The following MCU variants were observed in gnomAD, a reference collection of about 807,000 sequenced individuals.
The protein encoded by MCU is calcium uniporter protein, mitochondrial.
MCU carries 12 observed loss-of-function variants against 45.2 expected under a neutral mutation model. The ratio of observed to expected loss-of-function variants is 0.27; its 90% CI spans 0.17 to 0.43. The LOEUF is 0.43. Ranked by LOEUF, MCU falls within the 20% of genes least tolerant of loss-of-function variation. The probability of loss-of-function intolerance (pLI) is 1.00; values close to 1 mark genes in which losing one functional copy is unlikely to be tolerated. For synonymous variants in MCU, 160 were observed against 165.1 expected, an observed-to-expected ratio of 0.97 and a Z score of 0.24; for missense variants, 324 against 436.7, an observed-to-expected ratio of 0.74 and a Z score of 2.30.
At chr10:72,696,145 G>C (rs1191118641) in intron 1 of MCU, among the ~76,000 whole-genome samples, 1 of 112,788 alleles carries the variant, frequency 8.9e-6, no homozygotes, top group Admixed American at 1.2e-4. Context: ...CTGGGCGAAA[G>C]AGCGAAACTC....
chr10:72,749,010 C>T (rs888032508), intron 1 of MCU, among the ~76,000 whole-genome samples: 2 of 152,088 alleles, frequency 1.3e-5, no homozygotes, highest in Non-Finnish European at 2.9e-5. Context: ...GCCTATAATC[C>T]GAACACTTTG....
At chr10:72,813,304 C>T (rs771664774) in intron 1 of MCU, among the ~76,000 whole-genome samples, 5 of 151,912 alleles carry the variant, frequency 3.3e-5, no homozygotes, top group African/African-American at 2.4e-5. Flanking sequence ...AAGGCATCAA[C>T]CAACAATGTG....
At chr10:72,809,858 T>A (rs1009757952) in intron 1 of MCU, among the ~76,000 whole-genome samples, 1 of 152,086 alleles carries the variant, frequency 6.6e-6, no homozygotes, top group Non-Finnish European at 1.5e-5. Flanking sequence ...ATTCAGGAAC[T>A]CCTAGAGTGT....
chr10:72,808,464 T>C (rs1020052154), intron 1 of MCU, among the ~76,000 whole-genome samples: 3 of 152,216 alleles, frequency 2.0e-5, no homozygotes, highest in African/African-American at 4.8e-5. Context: ...TTAATATTCA[T>C]GGCATACATA....
At chr10:72,772,124 G>A (rs1287616603) in intron 1 of MCU, among the ~76,000 whole-genome samples, 4 of 152,202 alleles carry the variant, frequency 2.6e-5, no homozygotes, top group African/African-American at 9.6e-5. Flanking sequence ...CAGAGACAAA[G>A]TGGGGAGGTG....
At chr10:72,748,192 T>C (rs901090877) in intron 1 of MCU, among the ~76,000 whole-genome samples, 1 of 151,828 alleles carries the variant, frequency 6.6e-6, no homozygotes, top group Non-Finnish European at 1.5e-5. Flanking sequence ...GGACTACAGG[T>C]GCCCGCCACC....
At chr10:72,735,264 T>C (rs1843237794) in intron 1 of MCU, among the ~76,000 whole-genome samples, 1 of 152,122 alleles carries the variant, frequency 6.6e-6, no homozygotes, top group Admixed American at 6.5e-5. Context: ...TGTGTTGGGT[T>C]TTTTTTCAGA....
chr10:72,693,173 AGT>A (rs112298026), intron 1 of MCU: 251,579 of 751,048 alleles, frequency 0.33, 23,753 homozygotes, highest in East Asian at 0.6. Flanking sequence ...CTCTTGGGTG[AGT>A]GTGTGTGTGT....
intron 1 of MCU, among the ~76,000 whole-genome samples, chr10:72,719,275 T>C (rs1237318918): frequency 3.3e-5 from 5 of 152,318 alleles, no homozygotes; most frequent in African/African-American, 1.2e-4. Flanking sequence ...ATTATCAAGG[T>C]ACCATTATGT....
intron 1 of MCU, among the ~76,000 whole-genome samples, chr10:72,791,144 A>G (rs1479539553): frequency 6.6e-6 from 1 of 152,206 alleles, no homozygotes; most frequent in Non-Finnish European, 1.5e-5. Context: ...AAGTAGTGGC[A>G]CATTTTACCT....
At chr10:72,787,652 T>C (rs1844094555) in intron 1 of MCU, among the ~76,000 whole-genome samples, 1 of 152,206 alleles carries the variant, frequency 6.6e-6, no homozygotes, top group African/African-American at 2.4e-5. Context: ...GTGTCCTGCC[T>C]TGCCAATTAG....
intron 6 of MCU, 122 bp downstream of exon 6, chr10:72,871,702 C>T: frequency 1.3e-6 from 1 of 741,228 alleles, no homozygotes; most frequent in Non-Finnish European, 2.3e-6. Context: ...TACACATACA[C>T]ACACATGTGC....
At chr10:72,884,527 CA>C in intron 7 of MCU, 145 bp downstream of exon 7, 1 of 572,600 alleles carries the variant, frequency 1.7e-6, no homozygotes, top group Non-Finnish European at 3.1e-6. Flanking sequence ...CAGTTGATTA[CA>C]GTAACTATTT....
At chr10:72,763,233 C>T (rs555102694) in intron 1 of MCU, among the ~76,000 whole-genome samples, 1 of 152,294 alleles carries the variant, frequency 6.6e-6, no homozygotes, top group African/African-American at 2.4e-5. Context: ...CGTAAGGTAA[C>T]ATATTCACTA....
At chr10:72,829,319 TC>T in intron 1 of MCU, among the ~76,000 whole-genome samples, 1 of 75,618 alleles carries the variant, frequency 1.3e-5, no homozygotes, top group Middle Eastern at 5.3e-3. Context: ...AGAGACACTG[TC>T]TCAAAAAAAA....
At chr10:72,785,717 C>A (rs912406225) in intron 1 of MCU, among the ~76,000 whole-genome samples, 1 of 152,182 alleles carries the variant, frequency 6.6e-6, no homozygotes, top group Non-Finnish European at 1.5e-5. Context: ...CTTACAAGGG[C>A]TGCAATTTTC....
intron 1 of MCU, among the ~76,000 whole-genome samples, chr10:72,749,046 G>T (rs888450456): frequency 9.9e-5 from 15 of 152,132 alleles, no homozygotes; most frequent in African/African-American, 3.6e-4. Flanking sequence ...AGGATTGTTT[G>T]AGCCCAGGAG....
chr10:72,733,672 A>G (rs1451088011), intron 1 of MCU, among the ~76,000 whole-genome samples: 3 of 114,490 alleles, frequency 2.6e-5, no homozygotes, highest in African/African-American at 6.8e-5. Context: ...TACCCGATAT[A>G]TATGTTTCAT....
chr10:72,854,376 CAT>C (rs1845255327), intron 2 of MCU, among the ~76,000 whole-genome samples: 1 of 152,124 alleles, frequency 6.6e-6, no homozygotes, highest in Non-Finnish European at 1.5e-5. Flanking sequence ...AAACTCATAT[CAT>C]ATACTATGCA....
Sources: allele counts gnomAD v4.1 joint callset (sites outside exome capture counted in the v4.1 genomes callset), GRCh38; gene constraint gnomAD v4.1.1; transcripts MANE v1.5; gene names NCBI Gene and HGNC (gene_info 2026-07-23, HGNC 2026-07-21).